The following MFHAS1 variants were observed in gnomAD, a reference collection of about 807,000 sequenced individuals.
MFHAS1 encodes the protein multifunctional ROCO family signaling regulator 1.
MFHAS1 carries 50 observed loss-of-function variants against 70.4 expected under a neutral mutation model. The observed-to-expected ratio is 0.71, with a 90% CI of 0.57 to 0.90. The LOEUF is 0.90. Among genes scored for constraint, MFHAS1 ranks in the 40% least tolerant of loss-of-function variants. MFHAS1 has a pLI of 0.00. For synonymous variants in MFHAS1, 952 were observed against 620.0 expected (o/e 1.54, Z -7.96); for missense variants, 1,795 against 1,347.6 (o/e 1.33, Z -5.20).
intron 1 of MFHAS1, among the ~76,000 whole-genome samples, chr8:8,851,435 ATACTCT>A (rs1808244183): frequency 6.6e-6 from 1 of 152,326 alleles, no homozygotes; most frequent in Middle Eastern, 3.4e-3. Flanking sequence ...GTTCAGGGAA[ATACTCT>A]TAAAAGTGAG....
At chr8:8,830,812 G>C (rs915499783) in intron 1 of MFHAS1, among the ~76,000 whole-genome samples, 8 of 152,142 alleles carry the variant, frequency 5.3e-5, no homozygotes, top group African/African-American at 1.9e-4. Context: ...TGGCAGGCTG[G>C]TCTCAAACTC....
chr8:8,820,993 ACCC>A (rs1291285830), intron 1 of MFHAS1, among the ~76,000 whole-genome samples: 5 of 152,076 alleles, frequency 3.3e-5, no homozygotes, highest in Non-Finnish European at 7.4e-5. Flanking sequence ...TGTCCTTCCT[ACCC>A]CTCTTCCTTT....
intron 1 of MFHAS1, among the ~76,000 whole-genome samples, chr8:8,828,273 G>C (rs1807238411): frequency 6.6e-6 from 1 of 152,226 alleles, no homozygotes; most frequent in South Asian, 2.1e-4. Flanking sequence ...AACAGGAACT[G>C]TTTAACAAGA....
Position 8,892,476 on chromosome 8 carries a change from C to G in MFHAS1, c.583G>C (p.Ala195Pro). 6.2e-7 allele frequency: 1 copy of G among 1,607,430 alleles called. No homozygotes were observed. The highest frequency in any genetic ancestry group is 8.5e-7 in the Non-Finnish European group (1 of 1,177,010). Reference protein sequence around the residue: ...TLDVDHNQLTAFPRQLLQLVA... With the variant: ...TLDVDHNQLTPFPRQLLQLVA... ...AGCTGCAGCAGCTGCCGGGGGAAGGCAGTGAGCTGGTTGTGATCCACGTCC... is the reference window on the plus strand; with the variant it reads ...AGCTGCAGCAGCTGCCGGGGGAAGGGAGTGAGCTGGTTGTGATCCACGTCC... Residue 195 changes from alanine (A) to proline (P), a missense_variant, in exon 1 of 3, where the codon GCC becomes CCC. By Grantham distance (27) the Ala-to-Pro change is conservative. Coordinates refer to ENST00000276282, the MANE Select transcript of MFHAS1 (RefSeq NM_004225.3). This position sits in a 1 kb window ranked among gnomAD's most constrained non-coding sequence, Gnocchi z 4.7.
At chr8:8,817,747 T>G (rs140059421) in intron 1 of MFHAS1, among the ~76,000 whole-genome samples, 44 of 152,350 alleles carry the variant, frequency 2.9e-4, no homozygotes, top group African/African-American at 1.0e-3. Context: ...CCACTTCAGA[T>G]CATTAGGCAT....
At position 8,807,189 on chromosome 8, in the gene MFHAS1, C is replaced by T. The variant is rs545936244; in HGVS notation, c.2999-9698G>A. On this transcript the variant is annotated intron_variant, in intron 1 of 2. Transcript: ENST00000276282. ...ACAAGGGCAGGGACTATTCCTGGAA[C>T]GTCCTTATCTGACCAAGAGCGCTCA... Among the ~76,000 whole-genome samples, 3 of 152,220 alleles carry T rather than the reference C, an allele frequency of 2.0e-5. No homozygotes were observed. The South Asian group carries it at 6.2e-4, about 32-fold the overall frequency.
At chr8:8,831,074 G>A (rs1454944792) in intron 1 of MFHAS1, among the ~76,000 whole-genome samples, 1 of 151,978 alleles carries the variant, frequency 6.6e-6, no homozygotes, top group African/African-American at 2.4e-5. Context: ...GGTGTCTGGT[G>A]AGGGCCTCTC....
chr8:8,843,074 G>C (rs1325428135), intron 1 of MFHAS1, among the ~76,000 whole-genome samples: 1 of 150,964 alleles, frequency 6.6e-6, no homozygotes, highest in Non-Finnish European at 1.5e-5. Context: ...GACCATCCTG[G>C]CTAACAAGGT....
At chr8:8,886,177 C>T (rs1469735069) in intron 1 of MFHAS1, among the ~76,000 whole-genome samples, 4 of 151,686 alleles carry the variant, frequency 2.6e-5, no homozygotes, top group African/African-American at 7.3e-5. Context: ...TGTGCATTTT[C>T]CAATCATTTC....
rs578178267 is a variant in MFHAS1 at position 8,872,793 on chromosome 8, G to C, written c.2998+17268C>G. On this transcript the variant is annotated intron_variant, in intron 1 of 2. Coordinates refer to ENST00000276282, the MANE Select transcript of MFHAS1 (RefSeq NM_004225.3). Reference sequence around the variant, plus strand: ...GGGAAAAAATAAAAATAAAAAAAAAGATGGGAACAATACAGTAACCAGGGA... The same window carrying C: ...GGGAAAAAATAAAAATAAAAAAAAACATGGGAACAATACAGTAACCAGGGA... Among the ~76,000 whole-genome samples the C allele has an allele frequency of 9.7e-4, 147 of 150,972 alleles. 1 individual carries two copies. The highest frequency in any genetic ancestry group is 3.5e-3 in the African/African-American group (143 of 40,796).
At chr8:8,870,066 G>GA (rs939156140) in intron 1 of MFHAS1, among the ~76,000 whole-genome samples, 2 of 151,878 alleles carry the variant, frequency 1.3e-5, no homozygotes, top group South Asian at 2.1e-4. Context: ...CTCACCCTCT[G>GA]AAAAAAACCA....
chr8:8,850,198 C>T (rs57385246), intron 1 of MFHAS1, among the ~76,000 whole-genome samples: 1,755 of 152,320 alleles, frequency 0.012, 39 homozygotes, highest in African/African-American at 0.04. Context: ...CTCTCACCTA[C>T]ACCCCTTGTA....
intron 1 of MFHAS1, among the ~76,000 whole-genome samples, chr8:8,811,368 C>G (rs1015306368): frequency 6.6e-6 from 1 of 151,600 alleles, no homozygotes; most frequent in East Asian, 1.9e-4. Flanking sequence ...AGTACAGTGG[C>G]GCAATCATAG....
At chr8:8,878,977 T>C (rs573189048) in intron 1 of MFHAS1, among the ~76,000 whole-genome samples, 21 of 152,364 alleles carry the variant, frequency 1.4e-4, no homozygotes, top group African/African-American at 4.8e-4. Context: ...TCAGCATTCA[T>C]ATAGTCTTTG....
intron 1 of MFHAS1, among the ~76,000 whole-genome samples, chr8:8,869,700 A>G (rs906274747): frequency 2.6e-5 from 4 of 152,174 alleles, no homozygotes; most frequent in Non-Finnish European, 5.9e-5. Flanking sequence ...TGTTTTTTAA[A>G]ACATGCTGCA....
At chr8:8,842,664 C>T (rs916239120) in intron 1 of MFHAS1, among the ~76,000 whole-genome samples, 2 of 152,180 alleles carry the variant, frequency 1.3e-5, no homozygotes, top group African/African-American at 4.8e-5. Context: ...GAAAGGAGAA[C>T]CTCAGCCCCT....
rs1303661161 is a variant in MFHAS1, at chr8:8,890,984, T to C, written c.2075A>G (p.Gln692Arg). Residue 692 changes from glutamine to arginine, a missense_variant, in exon 1 of 3, where the codon CAG (glutamine) becomes CGG (arginine). Gln to Arg is a conservative substitution (Grantham distance 43). Transcript: ENST00000276282. ...SWWDSARLGLQAGLTEDRLQS... is the reference protein window; with the variant it reads ...SWWDSARLGLRAGLTEDRLQS... ...CAGTCGGTCCTCGGTCAGACCCGCC[T>C]GCAGGCCCAAGCGCGCCGAGTCCCA... The C allele has an allele frequency of 1.9e-6, 3 of 1,613,938 alleles. No individual in the cohort carries two copies. Among genetic ancestry groups the C allele is most frequent in the Non-Finnish European group, 1.7e-6 (2 of 1,179,980 alleles).
intron 1 of MFHAS1, among the ~76,000 whole-genome samples, chr8:8,818,576 T>C (rs1210986821): frequency 6.6e-6 from 1 of 152,232 alleles, no homozygotes; most frequent in African/African-American, 2.4e-5. Context: ...CTGTGGATAG[T>C]AAATGCCAAA....
intron 1 of MFHAS1, among the ~76,000 whole-genome samples, chr8:8,844,460 A>G (rs1200372232): frequency 1.3e-5 from 2 of 152,224 alleles, no homozygotes; most frequent in East Asian, 3.8e-4. Context: ...AGGCATATAC[A>G]CAGCACACCT....
Sources: allele counts gnomAD v4.1 joint callset (sites outside exome capture counted in the v4.1 genomes callset), GRCh38; gene constraint gnomAD v4.1.1; non-coding constraint Gnocchi (gnomAD v3.1); transcripts MANE v1.5; gene names NCBI Gene and HGNC (gene_info 2026-07-23, HGNC 2026-07-21).